The following SFR1 variants were observed in gnomAD, a reference collection of about 807,000 sequenced individuals.
The protein encoded by SFR1 is SWI5 dependent homologous recombination repair protein 1, also known as swi5-dependent recombination DNA repair protein 1 homolog.
SFR1 carries 24 observed loss-of-function variants against 26.2 expected under a neutral mutation model. That is an observed-to-expected ratio of 0.92 (90% CI 0.66 to 1.29). The LOEUF (loss-of-function observed/expected upper bound fraction) is 1.29, where lower values mean the gene tolerates loss of function less well. SFR1 is among the 50% of genes most tolerant of loss of function. SFR1 has a pLI of 0.00. For synonymous variants in SFR1, 77 were observed against 96.6 expected (o/e 0.80, Z 1.19); for missense variants, 276 against 270.2 (o/e 1.02, Z -0.15).
upstream of SFR1, among the ~76,000 whole-genome samples, chr10:104,121,489 T>G (rs961303723): frequency 1.3e-5 from 2 of 152,190 alleles, no homozygotes; most frequent in African/African-American, 4.8e-5. Context: ...AACGCTGTTC[T>G]TTTGTGGTCT....
chr10:104,125,490 A>G (rs2134709110), intron 3 of SFR1, 23 bp from the exon 4 acceptor site: 16 of 1,579,600 alleles, frequency 1.0e-5, no homozygotes, highest in Non-Finnish European at 1.4e-5. Flanking sequence ...TTATTGACAT[A>G]CATGTTTTTT....
chr10:104,123,666 A>G lies in SFR1; in HGVS notation c.136-48A>G, dbSNP rs141044712. The G allele has an allele frequency of 0.014, 19,355 of 1,426,630 alleles. 154 individuals carry two copies. The highest frequency in any genetic ancestry group is 0.015 in the Non-Finnish European group (16,162 of 1,060,314). The allele number at this position is 1,426,630 out of a possible 1,614,324, so 88.4% of individuals were successfully genotyped here. A position where few individuals can be genotyped will look rare whatever the true frequency, so the allele number is the denominator to read the frequency against. On this transcript the variant is annotated intron_variant, in intron 2 of 3. Transcript: ENST00000369727. ...TATTTCTGGTGATTTATTGACATTA[A>G]GAATGTTTTTCTTGATTCACATTTT...
chr10:104,125,493 TG>T lies in SFR1; in HGVS notation c.547-19del. The stretch of plus-strand genomic sequence containing the variant: ...TAGCATGACTAGTTATTGACATACA[TG>T]TTTTTTTTTCTGTTTCAGAATGATC... On this transcript the variant is annotated intron_variant, in intron 3 of 3. Transcript: ENST00000369727. 5 of 1,566,584 alleles carry T rather than the reference TG, an allele frequency of 3.2e-6. No homozygotes were observed. Among genetic ancestry groups the T allele is most frequent in the South Asian group, 2.3e-5 (2 of 87,026 alleles).
intron 3 of SFR1, 145 bp downstream of exon 3, chr10:104,124,269 A>G: frequency 4.3e-6 from 3 of 695,234 alleles, no homozygotes; most frequent in Non-Finnish European, 4.5e-6. Flanking sequence ...CTTTAATTCA[A>G]CTCCAGATTT....
At chr10:104,122,542 C>T (rs1020231648) in intron 1 of SFR1, 3 of 985,296 alleles carry the variant, frequency 3.0e-6, no homozygotes, top group African/African-American at 3.5e-5. Flanking sequence ...GTTCTAGTCA[C>T]AGCTTGTAGA....
chr10:104,125,384 T>C, intron 3 of SFR1, 129 bp from the exon 4 acceptor site: 2 of 665,344 alleles, frequency 3.0e-6, no homozygotes, highest in Non-Finnish European at 5.1e-6. Flanking sequence ...TACTTTTTCC[T>C]AGATAGAAGT....
At position 104,123,792 on chromosome 10, in the gene SFR1, C is replaced by G; in HGVS notation, c.214C>G (p.Leu72Val). 1 of 1,612,568 alleles carries G rather than the reference C, an allele frequency of 6.2e-7. No individual in the cohort carries two copies. Among genetic ancestry groups the G allele is most frequent in the Non-Finnish European group, 8.5e-7 (1 of 1,179,648 alleles). The change falls in exon 3 of 4, where the codon CTT (leucine) becomes GTT (valine). Residue 72 changes from leucine to valine, a missense_variant. Coordinates refer to ENST00000369727, the MANE Select transcript of SFR1 (RefSeq NM_001002759.2). ...FNSSYNVVKRLKVESEENDQT... is the reference protein window; with the variant it reads ...FNSSYNVVKRVKVESEENDQT... ...TTCCTCTTACAATGTGGTGAAACGT[C>G]TTAAAGTAGAGAGTGAAGAAAATGA...
intron 1 of SFR1, 44 bp downstream of exon 1, chr10:104,122,240 C>T (rs745626314): frequency 1.3e-6 from 2 of 1,514,958 alleles, no homozygotes; most frequent in Admixed American, 2.1e-5. Context: ...ACCTGGGCTT[C>T]CCCGGGAGTC....
At chr10:104,120,741 A>G (rs1263049549), upstream of SFR1, among the ~76,000 whole-genome samples, 1 of 152,200 alleles carries the variant, frequency 6.6e-6, no homozygotes, top group Non-Finnish European at 1.5e-5. Flanking sequence ...CCTCATTAAG[A>G]AGCACATAAA....
At chr10:104,121,101 C>A (rs1010783176), upstream of SFR1, among the ~76,000 whole-genome samples, 3 of 131,210 alleles carry the variant, frequency 2.3e-5, no homozygotes, top group Admixed American at 7.0e-5. Flanking sequence ...ATACTGGAAG[C>A]GGGGCGCGGG....
chr10:104,124,923 A>G (rs1422534071), intron 3 of SFR1, among the ~76,000 whole-genome samples: 1 of 152,120 alleles, frequency 6.6e-6, no homozygotes, highest in Non-Finnish European at 1.5e-5. Flanking sequence ...CAGCCTCCCT[A>G]GTAGCTGGGA....
rs922229321 is a variant in SFR1 at position 104,123,056 on chromosome 10, A to G, written c.105A>G (p.Ser35=). 11 of 1,600,454 alleles carry G rather than the reference A, an allele frequency of 6.9e-6. No individual in the cohort carries two copies. Among genetic ancestry groups the G allele is most frequent in the Non-Finnish European group, 9.4e-6 (11 of 1,175,536 alleles). Residue 35 remains serine, a synonymous_variant, in exon 2 of 4, where the codon TCA becomes TCG. Transcript: ENST00000369727. ...CTCCTCAGGCCTCTGCGAATCCATCATCTCCCTATACAAATAGTTCCCGAA... is the reference window on the plus strand; with the variant it reads ...CTCCTCAGGCCTCTGCGAATCCATCGTCTCCCTATACAAATAGTTCCCGAA... The part of the protein sequence containing the change: ...PSTPQASANP[S]SPYTNSSRKQ...
intron 1 of SFR1, chr10:104,122,447 G>A: frequency 2.0e-6 from 2 of 985,424 alleles, no homozygotes; most frequent in Non-Finnish European, 2.4e-6. Context: ...TTCAGTCCCT[G>A]TTGGCCGCTT....
Position 104,123,731 on chromosome 10 carries a change from T to C in SFR1, c.153T>C (p.Leu51=). 6.3e-7 allele frequency: 1 copy of C among 1,598,724 alleles called. No individual in the cohort carries two copies. The highest frequency in any genetic ancestry group is 8.5e-7 in the Non-Finnish European group (1 of 1,174,616). The part of the protein sequence containing the change: ...SSRKQPMSAT[L]RERLRKTRFS... ...CTTTATAGCCTATGAGTGCAACACT[T>C]AGAGAAAGATTAAGGAAAACAAGAT... Residue 51 remains leucine, a synonymous_variant, in exon 3 of 4, where the codon CTT becomes CTC. Transcript: ENST00000369727.
rs2086998170 is a variant in SFR1 at position 104,123,984 on chromosome 10, AGT to A, written c.408_409del (p.Ala137SerfsTer4). 2 of 1,613,942 alleles carry A rather than the reference AGT, an allele frequency of 1.2e-6. No homozygotes were observed. The highest frequency in any genetic ancestry group is 2.7e-5 in the African/African-American group (2 of 74,930). On this transcript the variant is annotated frameshift_variant, in exon 3 of 4. Coordinates refer to ENST00000369727, the MANE Select transcript of SFR1 (RefSeq NM_001002759.2). LOFTEE classifies it high-confidence loss of function. ...ESQSLDSGSC[S>X]ALQNEFVSEK... ...TCAGTCACTTGATTCTGGATCATGC[AGT>A]GCTCTCCAAAATGAGTTTGTGAGTG...
At chr10:104,122,720 A>C (rs1305188970) in intron 1 of SFR1, 5 of 1,401,244 alleles carry the variant, frequency 3.6e-6, no homozygotes, top group Non-Finnish European at 4.6e-6. Context: ...TGAAACGAAA[A>C]CAAGGAGAGT....
chr10:104,125,304 G>A (rs1401110561), intron 3 of SFR1, among the ~76,000 whole-genome samples: 2 of 152,060 alleles, frequency 1.3e-5, no homozygotes, highest in East Asian at 1.9e-4. Context: ...ATGGCCCAGA[G>A]CTTAAGCCAA....
At chr10:104,122,108 C>T, upstream of SFR1, 1 of 1,523,464 alleles carries the variant, frequency 6.6e-7, no homozygotes, top group Non-Finnish European at 8.9e-7. Context: ...TCTTTTCCGC[C>T]TACCGCACGG....
upstream of SFR1, among the ~76,000 whole-genome samples, chr10:104,121,874 G>C (rs903669583): frequency 3.9e-5 from 6 of 152,182 alleles, no homozygotes; most frequent in African/African-American, 1.4e-4. Flanking sequence ...AAGACCTGCT[G>C]CGGATCGCGG....
Sources: allele counts gnomAD v4.1 joint callset (sites outside exome capture counted in the v4.1 genomes callset), GRCh38; gene constraint gnomAD v4.1.1; transcripts MANE v1.5; gene names NCBI Gene and HGNC (gene_info 2026-07-23, HGNC 2026-07-21).